GALNT17: variants seen among roughly 807,000 people sequenced by gnomAD.
GALNT17 encodes UDP-GalNAc:polypeptide N-acetylgalactosaminyltransferase-like 3.
A neutral mutation model predicts 63.7 loss-of-function variants in GALNT17; 29 were observed. That is an observed-to-expected ratio of 0.46 (90% CI 0.34 to 0.62). The LOEUF (loss-of-function observed/expected upper bound fraction) is 0.62, where lower values mean the gene tolerates loss of function less well. Among genes scored for constraint, GALNT17 ranks in the 20% least tolerant of loss-of-function variants. GALNT17 has a pLI of 0.01. For synonymous variants in GALNT17, 305 were observed against 318.3 expected (o/e 0.96, Z 0.45); for missense variants, 603 against 799.6 (o/e 0.75, Z 2.97).
At chr7:71,242,020 A>G (rs1162580945) in intron 1 of GALNT17, among the ~76,000 whole-genome samples, 2 of 152,130 alleles carry the variant, frequency 1.3e-5, no homozygotes, top group African/African-American at 4.8e-5. Context: ...ACTTCCACTC[A>G]TGGCTGAAGA....
chr7:71,465,110 C>T (rs1179757130), intron 5 of GALNT17, among the ~76,000 whole-genome samples: 1 of 152,180 alleles, frequency 6.6e-6, no homozygotes, highest in South Asian at 2.1e-4. Context: ...CCAATGGCCA[C>T]AGACATCTAG....
intron 2 of GALNT17, among the ~76,000 whole-genome samples, chr7:71,387,712 G>C (rs1392737591): frequency 6.6e-6 from 1 of 152,166 alleles, no homozygotes; most frequent in Non-Finnish European, 1.5e-5. Flanking sequence ...AAATGGAGGG[G>C]CTGGAGTCAG....
Position 71,158,669 on chromosome 7 carries a change from C to T in GALNT17, c.238+25629C>T, listed in dbSNP as rs930695901. Among the ~76,000 whole-genome samples, 5 of 151,704 alleles carry T rather than the reference C, an allele frequency of 3.3e-5. 1 individual carries two copies. Among genetic ancestry groups the T allele is most frequent in the East Asian group, 1.9e-4 (1 of 5,154 alleles). ...TTGGCTAACTGCAAGCTCCACCTCC[C>T]GGGTTCACACCATTCTCCTACCTCA... On this transcript the variant is annotated intron_variant, in intron 1 of 10. Transcript: ENST00000333538.
At chr7:71,211,906 A>T (rs1344978654) in intron 1 of GALNT17, among the ~76,000 whole-genome samples, 1 of 152,226 alleles carries the variant, frequency 6.6e-6, no homozygotes, top group African/African-American at 2.4e-5. Context: ...TGTGAGTTTT[A>T]TAAGGGAAAC....
At chr7:71,346,038 A>C (rs1313073077) in intron 2 of GALNT17, among the ~76,000 whole-genome samples, 1 of 150,944 alleles carries the variant, frequency 6.6e-6, no homozygotes, top group East Asian at 1.9e-4. Context: ...AAAAAAAAAA[A>C]AAAAAAAAGC....
intron 1 of GALNT17, among the ~76,000 whole-genome samples, chr7:71,141,621 A>G (rs1787893314): frequency 6.6e-6 from 1 of 151,782 alleles, no homozygotes; most frequent in Admixed American, 6.6e-5. Flanking sequence ...CGAGACACTT[A>G]GAGCAGCCCT....
At chr7:71,586,345 T>A (rs1023167991) in intron 6 of GALNT17, among the ~76,000 whole-genome samples, 1 of 152,240 alleles carries the variant, frequency 6.6e-6, no homozygotes, top group East Asian at 1.9e-4. Flanking sequence ...CAGTTGTGTG[T>A]ATCTATCAGC....
At chr7:71,528,334 A>G (rs929368146) in intron 5 of GALNT17, among the ~76,000 whole-genome samples, 5 of 152,114 alleles carry the variant, frequency 3.3e-5, no homozygotes, top group African/African-American at 1.2e-4. Context: ...CAGGGCTCCA[A>G]TTTTGTCATA....
chr7:71,167,832 G>C (rs1788470588), intron 1 of GALNT17, among the ~76,000 whole-genome samples: 1 of 152,152 alleles, frequency 6.6e-6, no homozygotes, highest in South Asian at 2.1e-4. Context: ...TGGGATTACA[G>C]GCGTGCGCCA....
intron 5 of GALNT17, among the ~76,000 whole-genome samples, chr7:71,451,200 A>G (rs1277988047): frequency 1.3e-5 from 2 of 152,096 alleles, no homozygotes; most frequent in Admixed American, 6.6e-5. Context: ...TTGTCCTTGC[A>G]ATAGTTTGCT....
chr7:71,568,066 A>T (rs112274849), intron 5 of GALNT17, among the ~76,000 whole-genome samples: 2 of 152,268 alleles, frequency 1.3e-5, no homozygotes, highest in African/African-American at 2.4e-5. Flanking sequence ...GCCCCAGTGG[A>T]GTTTCAATGG....
chr7:71,567,443 A>G (rs986385096), intron 5 of GALNT17, among the ~76,000 whole-genome samples: 1 of 152,124 alleles, frequency 6.6e-6, no homozygotes, highest in Admixed American at 6.5e-5. Flanking sequence ...AATCCACACA[A>G]CAATACCCTG....
At chr7:71,332,395 C>G (rs1439926962) in intron 1 of GALNT17, among the ~76,000 whole-genome samples, 1 of 152,140 alleles carries the variant, frequency 6.6e-6, no homozygotes, top group Non-Finnish European at 1.5e-5. Context: ...CCTGTGCACG[C>G]TTGAGCTCTG....
At chr7:71,668,781 A>T (rs2117053060) in intron 7 of GALNT17, among the ~76,000 whole-genome samples, 1 of 152,082 alleles carries the variant, frequency 6.6e-6, no homozygotes, top group African/African-American at 2.4e-5. Flanking sequence ...CAGATACTTT[A>T]TTTTCCCTGT....
intron 5 of GALNT17, among the ~76,000 whole-genome samples, chr7:71,542,602 A>G (rs998761478): frequency 5.3e-5 from 8 of 151,170 alleles, no homozygotes; most frequent in African/African-American, 1.9e-4. Context: ...AGGCTGAGAC[A>G]GGAGAATCGC....
At chr7:71,288,288 G>C (rs924926420) in intron 1 of GALNT17, among the ~76,000 whole-genome samples, 1 of 150,692 alleles carries the variant, frequency 6.6e-6, no homozygotes, top group Admixed American at 6.6e-5. Context: ...GAAGTGTATC[G>C]TCATAAAGGT....
intron 1 of GALNT17, among the ~76,000 whole-genome samples, chr7:71,287,117 T>G (rs1790889155): frequency 6.6e-6 from 1 of 151,980 alleles, no homozygotes; most frequent in Admixed American, 6.6e-5. Context: ...TGAGACAAGG[T>G]CTCACTCTGT....
At chr7:71,498,124 A>G (rs1434398047) in intron 5 of GALNT17, among the ~76,000 whole-genome samples, 1 of 152,158 alleles carries the variant, frequency 6.6e-6, no homozygotes, top group African/African-American at 2.4e-5. Flanking sequence ...TACCATTTTA[A>G]CAATTTATTG....
rs58450619 is a variant in GALNT17 at position 71,227,174 on chromosome 7, C to CAA, written c.238+94159_238+94160dup. ...GCAAGATAGGGAGACACCGTCTCTA[C>CAA]AAAAAAAAAAAAAAAAAAAAAAAAA... On this transcript the variant is annotated intron_variant, in intron 1 of 10. Transcript: ENST00000333538. 1.3e-3 allele frequency among the ~76,000 whole-genome samples: 79 copies of CAA among 60,820 alleles called. 7 individuals carry two copies. Among genetic ancestry groups the CAA allele is most frequent in the Admixed American group, 1.9e-3 (6 of 3,222 alleles). 39.9% of individuals were successfully genotyped at this position (60,820 alleles called of 152,430 possible).
Sources: gnomAD v4.1 joint callset for allele counts (sites outside exome capture counted in the v4.1 genomes callset) on GRCh38, gnomAD v4.1.1 for gene constraint, MANE v1.5 for transcripts, NCBI Gene and HGNC (gene_info 2026-07-23, HGNC 2026-07-21) for gene names.